RREB1: variants seen among roughly 807,000 people sequenced by gnomAD.
The protein encoded by RREB1 is ras-responsive element-binding protein 1.
RREB1 carries 27 observed loss-of-function variants against 117.8 expected under a neutral mutation model. The ratio of observed to expected loss-of-function variants is 0.23; its 90% CI spans 0.17 to 0.32. The LOEUF is 0.32. Among genes scored for constraint, RREB1 ranks in the 10% least tolerant of loss-of-function variants. The pLI, the probability that RREB1 is intolerant of heterozygous loss-of-function variation, is 1.00. For synonymous variants in RREB1, 1,298 were observed against 1,026.7 expected (o/e 1.26, Z -5.05); for missense variants, 2,577 against 2,378.2 (o/e 1.08, Z -1.74).
chr6:7,207,035 A>G (rs532048096), intron 6 of RREB1, among the ~76,000 whole-genome samples: 1 of 152,340 alleles, frequency 6.6e-6, no homozygotes, highest in East Asian at 1.9e-4. Flanking sequence ...CCTGTGTTTT[A>G]GATGCTCAGT....
At chr6:7,170,067 A>G (rs1240413889) in intron 1 of RREB1, among the ~76,000 whole-genome samples, 11 of 152,212 alleles carry the variant, frequency 7.2e-5, no homozygotes, top group Admixed American at 7.2e-4. Context: ...ACTTTACAAA[A>G]TATTGAAGTT....
Position 7,226,499 on chromosome 6 carries a change from A to G in RREB1, c.740A>G (p.His247Arg). ...ATTTGTTGTGTCACCTTTCGAACACATCGAGGACTGCTGCGTCACAACGCG... is the reference window on the plus strand; with the variant it reads ...ATTTGTTGTGTCACCTTTCGAACACGTCGAGGACTGCTGCGTCACAACGCG... Reference protein sequence around the residue: ...CDICCVTFRTHRGLLRHNALV... With the variant: ...CDICCVTFRTRRGLLRHNALV... The change falls in exon 9 of 13, where the codon CAT becomes CGT. Residue 247 changes from histidine (H) to arginine (R), a missense_variant. Transcript: ENST00000379938. The G allele has an allele frequency of 6.2e-7, 1 of 1,614,024 alleles. No homozygotes were observed. The highest frequency in any genetic ancestry group is 8.5e-7 in the Non-Finnish European group (1 of 1,179,938).
At chr6:7,138,051 G>A (rs1391820613) in intron 1 of RREB1, among the ~76,000 whole-genome samples, 1 of 152,070 alleles carries the variant, frequency 6.6e-6, no homozygotes, top group East Asian at 1.9e-4. Context: ...TAGTTAATTA[G>A]ACTTTTACAC....
intron 6 of RREB1, among the ~76,000 whole-genome samples, chr6:7,201,021 C>T (rs962898452): frequency 6.6e-6 from 1 of 152,202 alleles, no homozygotes; most frequent in Non-Finnish European, 1.5e-5. Context: ...TCTGGAACAT[C>T]GTGCTTGCCC....
intron 6 of RREB1, among the ~76,000 whole-genome samples, chr6:7,196,463 CAG>C (rs981283932): frequency 2.6e-5 from 4 of 151,946 alleles, no homozygotes; most frequent in Admixed American, 6.5e-5. Context: ...AGAGGACACT[CAG>C]AATTGTTATA....
rs370922636 is a variant in RREB1, at chr6:7,230,416, C to T, written c.2317C>T (p.Arg773Cys). 16 of 1,591,724 alleles carry T rather than the reference C, an allele frequency of 1.0e-5. No homozygotes were observed. Among genetic ancestry groups the T allele is most frequent in the Non-Finnish European group, 1.4e-5 (16 of 1,174,804 alleles). Reference sequence around the variant, plus strand: ...CTATCGTGCCCTGCGCATCCACATGCGCACGCACTGCGGCCGCGGCCTGGG... The same window carrying T: ...CTATCGTGCCCTGCGCATCCACATGTGCACGCACTGCGGCCGCGGCCTGGG... Reference protein sequence around the residue: ...KHYRALRIHMRTHCGRGLGGG... With the variant: ...KHYRALRIHMCTHCGRGLGGG... The change falls in exon 10 of 13, where the codon CGC (arginine) becomes TGC (cysteine). Residue 773 changes from arginine to cysteine, a missense_variant. Transcript: ENST00000379938.
intron 1 of RREB1, among the ~76,000 whole-genome samples, chr6:7,173,454 C>G (rs2113504405): frequency 6.6e-6 from 1 of 151,728 alleles, no homozygotes; most frequent in Admixed American, 6.6e-5. Flanking sequence ...GATCGCGTCA[C>G]TGCACTCCAG....
intron 1 of RREB1, among the ~76,000 whole-genome samples, chr6:7,133,468 T>G (rs1407766781): frequency 6.6e-6 from 1 of 152,066 alleles, no homozygotes; most frequent in African/African-American, 2.4e-5. Flanking sequence ...ACCCGGGAAG[T>G]CCCAGCCACT....
chr6:7,171,538 A>C (rs879873383), intron 1 of RREB1, among the ~76,000 whole-genome samples: 2 of 152,212 alleles, frequency 1.3e-5, no homozygotes, highest in Non-Finnish European at 1.5e-5. Flanking sequence ...ACCACGCAGC[A>C]GCTCTAGGAT....
Position 7,211,683 on chromosome 6 carries a change from G to T in RREB1, c.681G>T (p.Met227Ile), listed in dbSNP as rs1338084791. Residue 227 changes from methionine to isoleucine, a missense_variant, in exon 8 of 13, where the codon ATG (methionine) becomes ATT (isoleucine). Transcript: ENST00000379938. ...FVCKYGLETH[M>I]ETHSDNPLRC... is the part of the protein sequence containing the mutation. ...GCAAGTATGGACTGGAGACCCACAT[G>T]GAGACCCATTCAGATAACCCACTAA... is the stretch of plus-strand genomic sequence containing the variant. The T allele has an allele frequency of 3.7e-6, 6 of 1,614,012 alleles. No individual in the cohort carries two copies. In the African/African-American group the frequency reaches 5.3e-5, roughly 14 times the overall value.
At position 7,240,493 on chromosome 6, in the gene RREB1, C is replaced by T; in HGVS notation, c.3864C>T (p.Asn1288=). The T allele has an allele frequency of 6.2e-7, 1 of 1,614,064 alleles. No individual in the cohort carries two copies. The highest frequency in any genetic ancestry group is 8.5e-7 in the Non-Finnish European group (1 of 1,179,978). Residue 1288 remains asparagine (N), a synonymous_variant, in exon 11 of 13, where the codon AAC becomes AAT. Transcript: ENST00000379938. ...KCDAFFSTKS[N]CERHQLRKHG... ...ATGCCTTCTTTTCTACCAAATCTAA[C>T]TGTGAACGCCACCAGTTGCGCAAAC...
intron 1 of RREB1, among the ~76,000 whole-genome samples, chr6:7,131,226 A>G (rs1285347150): frequency 1.3e-5 from 2 of 151,952 alleles, no homozygotes; most frequent in Non-Finnish European, 2.9e-5. Context: ...GCGCCCGGCC[A>G]ATACTCATTT....
At chr6:7,114,839 C>T (rs1761319507) in intron 1 of RREB1, among the ~76,000 whole-genome samples, 1 of 152,166 alleles carries the variant, frequency 6.6e-6, no homozygotes, top group Non-Finnish European at 1.5e-5. Flanking sequence ...TAGAAGTCAT[C>T]TACTTCTAAA....
At chr6:7,111,286 T>C (rs1162616837) in intron 1 of RREB1, among the ~76,000 whole-genome samples, 1 of 152,212 alleles carries the variant, frequency 6.6e-6, no homozygotes, top group Non-Finnish European at 1.5e-5. Flanking sequence ...CTTGCTATCT[T>C]ATGCTTGCTT....
rs1307440255 is a variant in RREB1, at chr6:7,250,336, A to T, written c.*1368A>T. ...ATAGGTTTATATTTACCTTCCTGCG[A>T]TGTGGGGTTGGTGCTTGAAGATAAA... On this transcript the variant is annotated 3_prime_UTR_variant, in exon 13 of 13. Coordinates refer to ENST00000379938, the MANE Select transcript of RREB1 (RefSeq NM_001003699.4). 2 of 152,216 alleles carry T rather than the reference A, an allele frequency of 1.3e-5. No individual in the cohort carries two copies. Among genetic ancestry groups the T allele is most frequent in the Non-Finnish European group, 2.9e-5 (2 of 68,042 alleles). 9.4% of individuals were successfully genotyped at this position (152,216 alleles called of 1,614,324 possible).
intron 9 of RREB1, among the ~76,000 whole-genome samples, chr6:7,228,481 CAGG>C (rs1196549635): frequency 1.6e-4 from 24 of 145,800 alleles, no homozygotes; most frequent in African/African-American, 6.2e-4. Flanking sequence ...TGTTAGCAAG[CAGG>C]AGAAGGTCAA....
At chr6:7,223,033 T>C (rs1265231025) in intron 8 of RREB1, among the ~76,000 whole-genome samples, 23 of 151,996 alleles carry the variant, frequency 1.5e-4, no homozygotes, top group Admixed American at 1.4e-3. Flanking sequence ...TTCAGGAGCA[T>C]TGCTTGAGCC....
intron 1 of RREB1, among the ~76,000 whole-genome samples, chr6:7,150,978 G>T (rs75041718): frequency 1.6e-4 from 24 of 152,360 alleles, no homozygotes; most frequent in African/African-American, 5.8e-4. Context: ...TGGCCGCCCG[G>T]AGATCAGCCT....
In RREB1 at chr6:7,249,145, C is replaced by A; in HGVS notation, c.*177C>A. On this transcript the variant is annotated 3_prime_UTR_variant, in exon 13 of 13. Coordinates refer to ENST00000379938, the MANE Select transcript of RREB1 (RefSeq NM_001003699.4). ...CTGCTCGCTCAGTGCCATAGCCTTA[C>A]CGCAGCCTGCGCGGGAGGCCACAGC... 1.7e-6 allele frequency: 1 copy of A among 585,644 alleles called. No individual in the cohort carries two copies. Among genetic ancestry groups the A allele is most frequent in the Non-Finnish European group, 2.9e-6 (1 of 346,516 alleles). The allele number at this position is 585,644 out of a possible 1,614,324, so 36.3% of individuals were successfully genotyped here.
Sources: allele counts gnomAD v4.1 joint callset (sites outside exome capture counted in the v4.1 genomes callset), GRCh38; gene constraint gnomAD v4.1.1; transcripts MANE v1.5; gene names NCBI Gene and HGNC (gene_info 2026-07-23, HGNC 2026-07-21).